The following NLK variants were observed in gnomAD, a reference collection of about 807,000 sequenced individuals.
The protein encoded by NLK is serine/threonine-protein kinase NLK.
NLK carries 11 observed loss-of-function variants against 59.0 expected under a neutral mutation model. The ratio of observed to expected loss-of-function variants is 0.19; its 90% CI spans 0.12 to 0.31. The LOEUF is 0.31. Ranked by LOEUF, NLK falls within the 10% of genes least tolerant of loss-of-function variation. The pLI is 1.00. For missense variants in NLK, 410 were observed against 661.1 expected, an observed-to-expected ratio of 0.62 and a Z score of 4.16; for synonymous variants, 235 against 235.9, an observed-to-expected ratio of 1.00 and a Z score of 0.03.
intron 5 of NLK, among the ~76,000 whole-genome samples, chr17:28,165,149 C>T (rs1281884894): frequency 1.3e-5 from 2 of 152,038 alleles, no homozygotes; most frequent in Non-Finnish European, 2.9e-5. Context: ...GAACTTGCAA[C>T]CTATCCCCAT....
At position 28,042,679 on chromosome 17, in the gene NLK, TTTG is replaced by T. The variant is rs1908887641; in HGVS notation, c.-194_-192del. 1 of 427,156 alleles carries T rather than the reference TTTG, an allele frequency of 2.3e-6. No individual in the cohort carries two copies. Among genetic ancestry groups the T allele is most frequent in the Non-Finnish European group, 4.0e-6 (1 of 246,926 alleles). 26.5% of individuals were successfully genotyped at this position (427,156 alleles called of 1,614,324 possible). ...TTTTCTTTTTTCCCTTTTTTTTCCT[TTTG>T]GCAACCCACACCCTTCCACACACGC... On this transcript the variant is annotated 5_prime_UTR_variant, in exon 1 of 11. Transcript: ENST00000407008.
At chr17:28,074,802 G>A (rs1416945792) in intron 1 of NLK, among the ~76,000 whole-genome samples, 1 of 152,104 alleles carries the variant, frequency 6.6e-6, no homozygotes, top group Non-Finnish European at 1.5e-5. Context: ...AAACAGGTGA[G>A]GAAAGCAACT....
chr17:28,123,067 A>G (rs747252185), intron 2 of NLK, among the ~76,000 whole-genome samples: 38 of 152,134 alleles, frequency 2.5e-4, no homozygotes, highest in Non-Finnish European at 8.8e-5. Flanking sequence ...AGTGGTTTTC[A>G]ACCTTAACAT....
intron 4 of NLK, 90 bp from the exon 5 acceptor site, chr17:28,163,453 C>A: frequency 4.1e-6 from 3 of 728,144 alleles, no homozygotes; most frequent in Non-Finnish European, 4.7e-6. Context: ...AATTTTAAAT[C>A]CTCTACTGTT....
chr17:28,085,878 G>A (rs1910498981), intron 1 of NLK, among the ~76,000 whole-genome samples: 1 of 152,170 alleles, frequency 6.6e-6, no homozygotes, highest in Admixed American at 6.5e-5. Context: ...GTAACATGCT[G>A]TACAGGTTTG....
chr17:28,203,966 T>C, the NLK span, among the ~76,000 whole-genome samples: 1 of 152,212 alleles, frequency 6.6e-6, no homozygotes, highest in African/African-American at 2.4e-5. Context: ...CTGGCTTTCT[T>C]CCCTCGTTTC....
At chr17:28,150,652 G>A (rs753349998) in intron 3 of NLK, among the ~76,000 whole-genome samples, 9 of 151,888 alleles carry the variant, frequency 5.9e-5, no homozygotes, top group Non-Finnish European at 1.0e-4. Context: ...TCCTTCCCCC[G>A]CCCCCACTAA....
Position 28,161,187 on chromosome 17 carries a change from T to C in NLK, c.672T>C (p.Ser224=). 3 of 1,607,392 alleles carry C rather than the reference T, an allele frequency of 1.9e-6. No individual in the cohort carries two copies. The highest frequency in any genetic ancestry group is 1.7e-6 in the Non-Finnish European group (2 of 1,173,974). ...ATGTTGTCACAGAATTGATGCAGAG[T>C]GACCTACATAAAATTATCGTCTCTC... is the stretch of plus-strand genomic sequence containing the variant. The part of the protein sequence containing the change: ...EIYVVTELMQ[S]DLHKIIVSPQ... Residue 224 remains serine, a synonymous_variant, in exon 4 of 11, where the codon AGT becomes AGC. Coordinates refer to ENST00000407008, the MANE Select transcript of NLK (RefSeq NM_016231.5).
At chr17:28,114,249 T>C (rs1455471387) in intron 1 of NLK, among the ~76,000 whole-genome samples, 1 of 152,208 alleles carries the variant, frequency 6.6e-6, no homozygotes, top group Non-Finnish European at 1.5e-5. Flanking sequence ...ATATTCCTTT[T>C]GGTTATATAC....
chr17:28,102,015 G>A (rs866235107), intron 1 of NLK, among the ~76,000 whole-genome samples: 1 of 151,818 alleles, frequency 6.6e-6, no homozygotes, highest in Non-Finnish European at 1.5e-5. Context: ...TGTATCTTTT[G>A]TTTAAAGTGT....
rs1254082284 is a variant in NLK at position 28,101,512 on chromosome 17, TGTGA to T, written c.459-21088_459-21085del. 3.9e-5 allele frequency among the ~76,000 whole-genome samples: 6 copies of T among 152,328 alleles called. No individual in the cohort carries two copies. The East Asian group carries it at 5.8e-4, about 15-fold the overall frequency. ...TTGCACATCTTTCATTAAATTTATT[TGTGA>T]GTATTTTTTTTGTGTGTGCTTCTTT... is the stretch of plus-strand genomic sequence containing the variant. On this transcript the variant is annotated intron_variant, in intron 1 of 10. Transcript: ENST00000407008.
intron 4 of NLK, among the ~76,000 whole-genome samples, chr17:28,161,967 A>G (rs1219923439): frequency 6.6e-6 from 1 of 152,200 alleles, no homozygotes; most frequent in Non-Finnish European, 1.5e-5. Context: ...CATAGAATTA[A>G]GAGATTCTTT....
At position 28,151,364 on chromosome 17, in the gene NLK, A is replaced by G. The variant is rs111776107; in HGVS notation, c.645-9796A>G. 3.3e-5 allele frequency among the ~76,000 whole-genome samples: 5 copies of G among 152,234 alleles called. 1 individual carries two copies. Among genetic ancestry groups the G allele is most frequent in the African/African-American group, 1.2e-4 (5 of 41,546 alleles). ...TGTTAGAGCTTCAAATTCAGGAATT[A>G]TTTTCCAAAGAAAATTTTAAAATGT... is the stretch of plus-strand genomic sequence containing the variant. On this transcript the variant is annotated intron_variant, in intron 3 of 10. Coordinates refer to ENST00000407008, the MANE Select transcript of NLK (RefSeq NM_016231.5).
chr17:28,111,352 A>AT (rs1905469335), intron 1 of NLK, among the ~76,000 whole-genome samples: 3 of 149,838 alleles, frequency 2.0e-5, no homozygotes, highest in African/African-American at 7.4e-5. Context: ...ATGCCTGGCT[A>AT]ATTTTTTTTT....
At chr17:28,082,723 T>C (rs562638324) in intron 1 of NLK, among the ~76,000 whole-genome samples, 2 of 152,362 alleles carry the variant, frequency 1.3e-5, no homozygotes, top group East Asian at 3.9e-4. Context: ...AAAGCCTGTC[T>C]TTTTGAATTG....
At chr17:28,191,998 G>A (rs1424787653) in intron 9 of NLK, 122 bp from the exon 10 acceptor site, 1 of 576,196 alleles carries the variant, frequency 1.7e-6, no homozygotes, top group Non-Finnish European at 3.1e-6. Context: ...GATGATGTGT[G>A]TGTTTGATTT....
At chr17:28,100,708 T>TA (rs1354367122) in intron 1 of NLK, among the ~76,000 whole-genome samples, 1 of 152,230 alleles carries the variant, frequency 6.6e-6, no homozygotes, top group East Asian at 1.9e-4. Context: ...GTTTTTATCT[T>TA]ATGAAGTTCA....
intron 1 of NLK, among the ~76,000 whole-genome samples, chr17:28,071,526 G>A (rs992345560): frequency 6.6e-6 from 1 of 150,974 alleles, no homozygotes; most frequent in African/African-American, 2.4e-5. Context: ...TTGGGAGCTT[G>A]CATTTTAGAG....
At chr17:28,067,683 A>T (rs989756079) in intron 1 of NLK, among the ~76,000 whole-genome samples, 2 of 152,096 alleles carry the variant, frequency 1.3e-5, no homozygotes, top group Non-Finnish European at 2.9e-5. Flanking sequence ...GTCAAACATG[A>T]TGCAACTATC....
Sources: gnomAD v4.1 joint callset for allele counts (sites outside exome capture counted in the v4.1 genomes callset) on GRCh38, gnomAD v4.1.1 for gene constraint, MANE v1.5 for transcripts, NCBI Gene and HGNC (gene_info 2026-07-23, HGNC 2026-07-21) for gene names.